L3MBTL4: variants seen among roughly 807,000 people sequenced by gnomAD.
The protein encoded by L3MBTL4 is L3MBTL histone methyl-lysine binding protein 4.
L3MBTL4 carries 70 observed loss-of-function variants against 84.5 expected under a neutral mutation model. The ratio of observed to expected loss-of-function variants is 0.83; its 90% CI spans 0.68 to 1.01. The LOEUF is 1.01. L3MBTL4 is among the 50% of genes least tolerant of loss of function. L3MBTL4 has a pLI of 0.00. For synonymous variants in L3MBTL4, 274 were observed against 259.8 expected, an observed-to-expected ratio of 1.05 and a Z score of -0.52; for missense variants, 715 against 754.8, an observed-to-expected ratio of 0.95 and a Z score of 0.62.
chr18:6,190,835 G>A (rs1253557212), intron 12 of L3MBTL4, among the ~76,000 whole-genome samples: 5 of 152,232 alleles, frequency 3.3e-5, no homozygotes, highest in Admixed American at 1.3e-4. Flanking sequence ...CTTAAAAGAG[G>A]TGTGGGGGTT....
chr18:6,126,070 C>CA (rs1048759430), intron 14 of L3MBTL4, among the ~76,000 whole-genome samples: 11 of 151,290 alleles, frequency 7.3e-5, no homozygotes, highest in East Asian at 1.9e-4. Context: ...GGACAAATGA[C>CA]AAAAAAAATC....
chr18:6,251,324 C>T (rs1032293681), intron 5 of L3MBTL4, among the ~76,000 whole-genome samples: 1 of 152,192 alleles, frequency 6.6e-6, no homozygotes, highest in African/African-American at 2.4e-5. Context: ...CAAACACTTG[C>T]TGTTGTAGCC....
intron 1 of L3MBTL4, among the ~76,000 whole-genome samples, chr18:6,318,494 TAAAAAAAAAAA>T (rs71370550): frequency 7.0e-4 from 10 of 14,200 alleles, no homozygotes; most frequent in South Asian, 4.7e-3. Context: ...ACAACAATAG[TAAAAAAAAAAA>T]AAAAAAAAAA....
intron 16 of L3MBTL4, among the ~76,000 whole-genome samples, chr18:6,066,462 C>T (rs1187836943): frequency 3.3e-5 from 5 of 151,996 alleles, no homozygotes; most frequent in Non-Finnish European, 1.5e-5. Context: ...TTAAAGTGCC[C>T]CACTATTAGT....
Position 6,213,258 on chromosome 18 carries a change from C to A in L3MBTL4, c.872G>T (p.Arg291Met), listed in dbSNP as rs1204687689. The stretch of plus-strand genomic sequence containing the variant: ...ATTTGGCAGAAAACCATGAGGCAAC[C>A]TCTGTAAATGTTATTATAAGTACAA... ...NAVPAKVFKM[R>M]LPHGFLPNMK... Residue 291 changes from arginine (R) to methionine (M), a missense_variant and splice_region_variant, in exon 12 of 19, where the codon AGG (arginine) becomes ATG (methionine). Arg to Met is a moderately conservative substitution (Grantham distance 91, BLOSUM62 -1). Coordinates refer to ENST00000317931, the MANE Select transcript of L3MBTL4 (RefSeq NM_001330559.2). 6.4e-7 allele frequency: 1 copy of A among 1,569,782 alleles called. No individual in the cohort carries two copies. The highest frequency in any genetic ancestry group is 1.1e-5 in the South Asian group (1 of 87,414).
intron 4 of L3MBTL4, among the ~76,000 whole-genome samples, chr18:6,284,713 T>TCTCTTTCCCTC (rs1343329865): frequency 6.6e-6 from 1 of 152,054 alleles, no homozygotes; most frequent in Non-Finnish European, 1.5e-5. Flanking sequence ...TCCTTTCCCT[T>TCTCTTTCCCTC]CTCTTTCCCT....
At chr18:6,206,166 G>C (rs2045866482) in intron 12 of L3MBTL4, among the ~76,000 whole-genome samples, 1 of 152,082 alleles carries the variant, frequency 6.6e-6, no homozygotes, top group African/African-American at 2.4e-5. Flanking sequence ...TCTAAAATAA[G>C]GTCCTTACTC....
At chr18:6,047,036 T>A (rs1176786908) in intron 16 of L3MBTL4, among the ~76,000 whole-genome samples, 4 of 151,604 alleles carry the variant, frequency 2.6e-5, no homozygotes, top group South Asian at 2.1e-4. Context: ...AAAATCCAAA[T>A]AAGCACAATC....
At chr18:6,005,200 CA>C (rs2054416716) in intron 16 of L3MBTL4, among the ~76,000 whole-genome samples, 1 of 150,924 alleles carries the variant, frequency 6.6e-6, no homozygotes, top group African/African-American at 2.4e-5. Flanking sequence ...AAAAATTAGC[CA>C]GGTATTGTGG....
chr18:6,200,183 G>A (rs1161743620), intron 12 of L3MBTL4, among the ~76,000 whole-genome samples: 2 of 152,238 alleles, frequency 1.3e-5, no homozygotes, highest in Non-Finnish European at 2.9e-5. Context: ...GTGCAAATGA[G>A]AAATAATCAC....
intron 4 of L3MBTL4, among the ~76,000 whole-genome samples, chr18:6,277,166 T>C (rs374145671): frequency 6.8e-6 from 1 of 146,976 alleles, no homozygotes; most frequent in South Asian, 2.3e-4. Flanking sequence ...AGGGATAGTA[T>C]TGGGAGATAT....
chr18:6,051,249 A>G (rs1275945838), intron 16 of L3MBTL4, among the ~76,000 whole-genome samples: 1 of 152,216 alleles, frequency 6.6e-6, no homozygotes, highest in African/African-American at 2.4e-5. Flanking sequence ...TTCAAGAATA[A>G]GGCAGCAGGC....
At chr18:6,252,270 A>C (rs1384377198) in intron 5 of L3MBTL4, among the ~76,000 whole-genome samples, 6 of 152,164 alleles carry the variant, frequency 3.9e-5, no homozygotes, top group Admixed American at 3.9e-4. Context: ...CCAAGATTGC[A>C]CCACTGCACT....
At chr18:6,055,868 AG>A (rs1246755782) in intron 16 of L3MBTL4, among the ~76,000 whole-genome samples, 2 of 152,104 alleles carry the variant, frequency 1.3e-5, no homozygotes, top group African/African-American at 4.8e-5. Context: ...CAGATGACTA[AG>A]CTTTTGTCCT....
intron 16 of L3MBTL4, among the ~76,000 whole-genome samples, chr18:5,989,781 G>A (rs2053608108): frequency 6.6e-6 from 1 of 152,214 alleles, no homozygotes; most frequent in Non-Finnish European, 1.5e-5. Context: ...CAATAAGACT[G>A]TTTGCTCCTG....
chr18:6,029,431 C>T, intron 16 of L3MBTL4: 6 of 954,102 alleles, frequency 6.3e-6, no homozygotes, highest in Non-Finnish European at 7.5e-6. Context: ...AAAATAATTA[C>T]ATGAAAAAAA....
At position 6,072,881 on chromosome 18, in the gene L3MBTL4, A is replaced by AAT. The variant is rs71163258; in HGVS notation, c.1444+7998_1444+7999dup. Among the ~76,000 whole-genome samples, 55 of 20,438 alleles carry AAT rather than the reference A, an allele frequency of 2.7e-3. 3 individuals carry two copies. Among genetic ancestry groups the AAT allele is most frequent in the Non-Finnish European group, 4.2e-3 (48 of 11,328 alleles). The allele number at this position is 20,438 out of a possible 152,430, so 13.4% of individuals were successfully genotyped here. A position where few individuals can be genotyped will look rare whatever the true frequency, so the allele number is the denominator to read the frequency against. ...ACTCCGTCTCAAAAAAAAAAAAAAAAATATATATATATATATATATATATA... is the reference window on the plus strand; with the variant it reads ...ACTCCGTCTCAAAAAAAAAAAAAAAAATATATATATATATATATATATATATA... On this transcript the variant is annotated intron_variant, in intron 16 of 18. Coordinates refer to ENST00000317931, the MANE Select transcript of L3MBTL4 (RefSeq NM_001330559.2).
chr18:6,189,136 C>G (rs2044935474), intron 12 of L3MBTL4, among the ~76,000 whole-genome samples: 1 of 152,132 alleles, frequency 6.6e-6, no homozygotes, highest in Non-Finnish European at 1.5e-5. Context: ...GGTTTCCTGG[C>G]TTCACATTGC....
chr18:6,047,393 C>T (rs2056669352), intron 16 of L3MBTL4, among the ~76,000 whole-genome samples: 2 of 152,124 alleles, frequency 1.3e-5, no homozygotes, highest in African/African-American at 2.4e-5. Flanking sequence ...TCCTCCCTAA[C>T]TGATTCTACA....
Sources: allele counts gnomAD v4.1 joint callset (sites outside exome capture counted in the v4.1 genomes callset), GRCh38; gene constraint gnomAD v4.1.1; transcripts MANE v1.5; gene names NCBI Gene and HGNC (gene_info 2026-07-23, HGNC 2026-07-21).